The following DPF3 variants were observed in gnomAD, a reference collection of about 807,000 sequenced individuals.
DPF3 encodes double PHD fingers 3, also known as zinc finger protein DPF3.
Under a neutral mutation model 56.8 loss-of-function variants are expected in DPF3, and 18 were observed. The ratio of observed to expected loss-of-function variants is 0.32; its 90% CI spans 0.22 to 0.47. The LOEUF is 0.47. Ranked by LOEUF, DPF3 falls within the 20% of genes least tolerant of loss-of-function variation. The pLI, the probability that DPF3 is intolerant of heterozygous loss-of-function variation, is 1.00. For missense variants in DPF3, 403 were observed against 488.8 expected, an observed-to-expected ratio of 0.82 and a Z score of 1.65; for synonymous variants, 188 against 180.2, an observed-to-expected ratio of 1.04 and a Z score of -0.35.
At chr14:72,817,264 C>G (rs190211706) in intron 1 of DPF3, among the ~76,000 whole-genome samples, 1 of 152,344 alleles carries the variant, frequency 6.6e-6, no homozygotes, top group East Asian at 1.9e-4. Flanking sequence ...ATATCTGGAA[C>G]TCCCTTTCCC....
At chr14:72,674,413 T>G (rs1362349418) in intron 7 of DPF3, 45 bp from the exon 8 acceptor site, 1 of 1,593,248 alleles carries the variant, frequency 6.3e-7, no homozygotes. Flanking sequence ...TTACATGAGT[T>G]TCAACTGCCC....
intron 8 of DPF3, chr14:72,662,008 G>C (rs1886237254): frequency 2.0e-6 from 2 of 985,076 alleles, no homozygotes. Flanking sequence ...GGCTGCTTCT[G>C]ACATTCAGAT....
intron 1 of DPF3, chr14:72,892,235 T>G (rs1465452041): frequency 6.5e-7 from 1 of 1,535,372 alleles, no homozygotes; most frequent in Non-Finnish European, 8.7e-7. Flanking sequence ...ATGGGGAAAC[T>G]GAAAATCAGT....
Position 72,612,872 on chromosome 14 carries a change from G to A in DPF3, c.*6425C>T, listed in dbSNP as rs1302491809. On this transcript the variant is annotated 3_prime_UTR_variant, in exon 11 of 11. Coordinates refer to ENST00000556509, the MANE Select transcript of DPF3 (RefSeq NM_001280542.3). ...CAACCCTGGTGGCTGTGCAGAGGCT[G>A]AGAGCTGGAGGAGCAGGACTGGAGA... Among the ~76,000 whole-genome samples the A allele has an allele frequency of 6.6e-6, 1 of 152,220 alleles. No homozygotes were observed.
chr14:72,715,091 G>A (rs1176293912), intron 5 of DPF3, among the ~76,000 whole-genome samples: 3 of 152,164 alleles, frequency 2.0e-5, no homozygotes, highest in South Asian at 2.1e-4. Flanking sequence ...GGGAGCTCCC[G>A]CCACCAGCCC....
At chr14:72,884,958 A>ATG in intron 1 of DPF3, among the ~76,000 whole-genome samples, 1 of 100,434 alleles carries the variant, frequency 1.0e-5, no homozygotes, top group Admixed American at 1.1e-4. Flanking sequence ...ATATATATAT[A>ATG]TATATATATA....
chr14:72,840,441 G>A (rs574600619), intron 1 of DPF3, among the ~76,000 whole-genome samples: 1 of 152,106 alleles, frequency 6.6e-6, no homozygotes, highest in South Asian at 2.1e-4. Context: ...CCTCCCACAT[G>A]GCTACTCACA....
intron 8 of DPF3, among the ~76,000 whole-genome samples, chr14:72,656,722 T>C (rs566340397): frequency 6.6e-6 from 1 of 152,356 alleles, no homozygotes; most frequent in South Asian, 2.1e-4. Flanking sequence ...ATATTTAACC[T>C]GCTTATCCCA....
chr14:72,714,833 A>G (rs1888839222), intron 5 of DPF3, among the ~76,000 whole-genome samples: 1 of 152,138 alleles, frequency 6.6e-6, no homozygotes, highest in African/African-American at 2.4e-5. Context: ...GCTGTACTGA[A>G]AAGCCCTCCT....
At chr14:72,879,331 C>T (rs1221463063) in intron 1 of DPF3, among the ~76,000 whole-genome samples, 2 of 151,322 alleles carry the variant, frequency 1.3e-5, no homozygotes, top group Non-Finnish European at 1.5e-5. Flanking sequence ...TGCAGTGAGC[C>T]GCACCACTGC....
At chr14:72,894,002 CT>C (rs567292164) in intron 1 of DPF3, 54 bp downstream of exon 1, 29 of 1,599,532 alleles carry the variant, frequency 1.8e-5, no homozygotes, top group Admixed American at 1.1e-4. Context: ...CAGAAGGCGC[CT>C]TTTTTTTCAT....
At chr14:72,791,520 C>T (rs905866718) in intron 1 of DPF3, among the ~76,000 whole-genome samples, 1 of 152,228 alleles carries the variant, frequency 6.6e-6, no homozygotes, top group African/African-American at 2.4e-5. Flanking sequence ...TAGGAGAAAG[C>T]AGAGAGCATC....
chr14:72,685,660 A>G (rs1342344903), intron 7 of DPF3, among the ~76,000 whole-genome samples: 2 of 152,234 alleles, frequency 1.3e-5, no homozygotes, highest in African/African-American at 4.8e-5. Context: ...TGGGGGATAC[A>G]GCACCTGCCT....
At chr14:72,873,544 A>G (rs986661536) in intron 1 of DPF3, among the ~76,000 whole-genome samples, 6 of 152,182 alleles carry the variant, frequency 3.9e-5, no homozygotes, top group Non-Finnish European at 8.8e-5. Context: ...AACTAGAAAT[A>G]CCATTTGACC....
chr14:72,788,707 C>A (rs1892311870), intron 1 of DPF3, among the ~76,000 whole-genome samples: 1 of 152,170 alleles, frequency 6.6e-6, no homozygotes. Flanking sequence ...CCTTTCTTTG[C>A]CTCTCCAGTC....
intron 1 of DPF3, among the ~76,000 whole-genome samples, chr14:72,855,018 C>T (rs897362137): frequency 1.3e-5 from 2 of 152,038 alleles, no homozygotes; most frequent in East Asian, 1.9e-4. Flanking sequence ...GTGCAGTCCC[C>T]GGATGATCAG....
chr14:72,893,882 G>A (rs1331235707), intron 1 of DPF3, among the ~76,000 whole-genome samples, 175 bp downstream of exon 1: 1 of 152,216 alleles, frequency 6.6e-6, no homozygotes, highest in African/African-American at 2.4e-5. Flanking sequence ...TGACATTTCT[G>A]CGCGTTGGGG....
Position 72,826,870 on chromosome 14 carries a change from G to A in DPF3, c.33-54977C>T, listed in dbSNP as rs149257717. On this transcript the variant is annotated intron_variant, in intron 1 of 10. Transcript: ENST00000556509. ...ATCCTGGCAAAGATGGTGAAACCCC[G>A]TCTCTATTAAAAATACAAAAAATTA... is the stretch of plus-strand genomic sequence containing the variant. Among the ~76,000 whole-genome samples the A allele has an allele frequency of 4.6e-3, 695 of 152,028 alleles. 4 individuals carry two copies. Among genetic ancestry groups the A allele is most frequent in the African/African-American group, 0.016 (661 of 41,454 alleles).
In DPF3 at chr14:72,619,276, C is replaced by A; in HGVS notation, c.*21G>T. The A allele has an allele frequency of 1.3e-6, 2 of 1,535,720 alleles. No individual in the cohort carries two copies. Among genetic ancestry groups the A allele is most frequent in the South Asian group, 2.4e-5 (2 of 84,024 alleles). On this transcript the variant is annotated 3_prime_UTR_variant, in exon 11 of 11. Coordinates refer to ENST00000556509, the MANE Select transcript of DPF3 (RefSeq NM_001280542.3). ...TGCTTTAGGATCTCCAGCAGCGAGT[C>A]ACATTCTGTGACCTGGGGCCCTAGG...
Sources: gnomAD v4.1 joint callset for allele counts (sites outside exome capture counted in the v4.1 genomes callset) on GRCh38, gnomAD v4.1.1 for gene constraint, MANE v1.5 for transcripts, NCBI Gene and HGNC (gene_info 2026-07-23, HGNC 2026-07-21) for gene names.